The following HCN1 variants were observed in gnomAD, a reference collection of about 807,000 sequenced individuals.
HCN1 encodes the protein potassium/sodium hyperpolarization-activated cyclic nucleotide-gated channel 1.
A neutral mutation model predicts 78.9 loss-of-function variants in HCN1; 13 were observed. That is an observed-to-expected ratio of 0.16 (90% CI 0.11 to 0.26). The LOEUF is 0.26. Ranked by LOEUF, HCN1 falls within the 10% of genes least tolerant of loss-of-function variation. HCN1 has a pLI of 1.00. For missense variants in HCN1, 810 were observed against 1,154.3 expected, an observed-to-expected ratio of 0.70 and a Z score of 4.32; for synonymous variants, 552 against 455.5, an observed-to-expected ratio of 1.21 and a Z score of -2.70.
At chr5:45,574,361 G>C (rs1004489033) in intron 2 of HCN1, among the ~76,000 whole-genome samples, 1 of 152,002 alleles carries the variant, frequency 6.6e-6, no homozygotes, top group Non-Finnish European at 1.5e-5. Context: ...GGTGATCTGT[G>C]ATCAGTGATC....
At chr5:45,693,282 T>TTCAGC (rs1465745949) in intron 1 of HCN1, among the ~76,000 whole-genome samples, 184 of 152,190 alleles carry the variant, frequency 1.2e-3, no homozygotes, top group African/African-American at 4.3e-3. Flanking sequence ...AAGATGTAAA[T>TTCAGC]ATATTCTGAA....
intron 4 of HCN1, among the ~76,000 whole-genome samples, chr5:45,383,972 C>A (rs1332792262): frequency 6.6e-6 from 1 of 152,052 alleles, no homozygotes; most frequent in African/African-American, 2.4e-5. Context: ...TAAGAAGTTG[C>A]TACCAAAACT....
At chr5:45,559,429 A>G (rs1458245872) in intron 2 of HCN1, 1 of 152,222 alleles carries the variant, frequency 6.6e-6, no homozygotes, top group African/African-American at 2.4e-5. Context: ...AACATCTGTG[A>G]TTCATGGGAT....
At chr5:45,323,232 T>A (rs1746159378) in intron 5 of HCN1, among the ~76,000 whole-genome samples, 1 of 151,890 alleles carries the variant, frequency 6.6e-6, no homozygotes, top group South Asian at 2.1e-4. Flanking sequence ...TGTGAAGACT[T>A]GATAAAAAAA....
At chr5:45,553,468 C>T (rs1743411645) in intron 2 of HCN1, among the ~76,000 whole-genome samples, 1 of 151,850 alleles carries the variant, frequency 6.6e-6, no homozygotes, top group African/African-American at 2.4e-5. Flanking sequence ...CTTATAGACT[C>T]AAATTTATCA....
chr5:45,415,684 C>T (rs1001346580), intron 3 of HCN1, among the ~76,000 whole-genome samples: 1 of 152,020 alleles, frequency 6.6e-6, no homozygotes, highest in African/African-American at 2.4e-5. Context: ...ATTCAGCCTT[C>T]CCAGCCTGGT....
intron 6 of HCN1, among the ~76,000 whole-genome samples, chr5:45,280,886 T>C (rs1198258994): frequency 6.6e-6 from 1 of 152,146 alleles, no homozygotes; most frequent in Non-Finnish European, 1.5e-5. Flanking sequence ...ACATTAAAAA[T>C]GCTTTTCAAA....
At position 45,481,744 on chromosome 5, in the gene HCN1, C is replaced by A. The variant is rs561392322; in HGVS notation, c.850-19737G>T. On this transcript the variant is annotated intron_variant, in intron 2 of 7. Transcript: ENST00000303230. ...CATACCACATGCACCTATTCCCTTT[C>A]CCTTTTGTAATCTTTTTCTTTTCCA... Among the ~76,000 whole-genome samples, 144 of 152,098 alleles carry A rather than the reference C, an allele frequency of 9.5e-4. 1 individual carries two copies. Among genetic ancestry groups the A allele is most frequent in the Admixed American group, 1.8e-3 (27 of 15,270 alleles).
At chr5:45,557,206 G>A (rs1743488234) in intron 2 of HCN1, among the ~76,000 whole-genome samples, 1 of 151,650 alleles carries the variant, frequency 6.6e-6, no homozygotes, top group Non-Finnish European at 1.5e-5. Context: ...TTTTTTAATT[G>A]TCTTTGTTCT....
Position 45,511,666 on chromosome 5 carries a change from A to G in HCN1, c.850-49659T>C, listed in dbSNP as rs549800908. 6.2e-4 allele frequency among the ~76,000 whole-genome samples: 95 copies of G among 152,190 alleles called. No individual in the cohort carries two copies. In the South Asian group the frequency reaches 6.8e-3, roughly 11 times the overall value. ...TCAAACTGTCAAGGTCATAAAAATT[A>G]AGGAAAGTCAGAGAAAATGTTAGTT... On this transcript the variant is annotated intron_variant, in intron 2 of 7. Coordinates refer to ENST00000303230, the MANE Select transcript of HCN1 (RefSeq NM_021072.4).
At chr5:45,285,531 C>T (rs1037604932) in intron 6 of HCN1, among the ~76,000 whole-genome samples, 2 of 151,810 alleles carry the variant, frequency 1.3e-5, no homozygotes, top group African/African-American at 2.4e-5. Flanking sequence ...GGGTATTTCG[C>T]TTAAACATTT....
Position 45,262,390 on chromosome 5 carries a change from T to C in HCN1, c.2204A>G (p.Gln735Arg), listed in dbSNP as rs769165114. Residue 735 changes from glutamine to arginine, a missense_variant, in exon 8 of 8, where the codon CAG becomes CGG. By Grantham distance (43) the Gln-to-Arg change is conservative (BLOSUM62 1). Transcript: ENST00000303230. The stretch of plus-strand genomic sequence containing the variant: ...CGGCTGGGACTGCTGTACCTGCTGC[T>C]GCGGCTGCTGTTGCATGAGTGACAG... ...SQLSLMQQQPQQQVQQSQPPQ... is the reference protein window; with the variant it reads ...SQLSLMQQQPRQQVQQSQPPQ... 1 of 1,611,708 alleles carries C rather than the reference T, an allele frequency of 6.2e-7. No individual in the cohort carries two copies. The highest frequency in any genetic ancestry group is 1.1e-5 in the South Asian group (1 of 91,038).
At chr5:45,639,657 C>A (rs752917398) in intron 2 of HCN1, among the ~76,000 whole-genome samples, 2 of 151,996 alleles carry the variant, frequency 1.3e-5, no homozygotes, top group Non-Finnish European at 2.9e-5. Flanking sequence ...TTTCATTAAC[C>A]GATACAAACA....
intron 2 of HCN1, among the ~76,000 whole-genome samples, chr5:45,474,685 T>C (rs890859423): frequency 1.3e-5 from 2 of 151,962 alleles, no homozygotes; most frequent in Non-Finnish European, 2.9e-5. Flanking sequence ...CTCAGTTTTT[T>C]AGCCTACATA....
intron 1 of HCN1, among the ~76,000 whole-genome samples, chr5:45,686,467 T>A (rs1247600957): frequency 6.6e-6 from 1 of 152,154 alleles, no homozygotes; most frequent in Non-Finnish European, 1.5e-5. Context: ...CAAACCACAT[T>A]TACGTTTCTC....
chr5:45,689,561 A>G (rs372429804), intron 1 of HCN1, among the ~76,000 whole-genome samples: 7 of 152,176 alleles, frequency 4.6e-5, no homozygotes, highest in African/African-American at 1.7e-4. Context: ...AAGTGAAAAG[A>G]GTATTTCAAG....
intron 2 of HCN1, among the ~76,000 whole-genome samples, chr5:45,515,873 T>C (rs1742508425): frequency 6.6e-6 from 1 of 151,902 alleles, no homozygotes; most frequent in African/African-American, 2.4e-5. Flanking sequence ...AAATAAAATA[T>C]AAACCCATCA....
At chr5:45,677,688 G>A (rs989417446) in intron 1 of HCN1, among the ~76,000 whole-genome samples, 1 of 151,792 alleles carries the variant, frequency 6.6e-6, no homozygotes, top group African/African-American at 2.4e-5. Context: ...AAAGAGTAAT[G>A]ACAAGCAAGA....
intron 3 of HCN1, among the ~76,000 whole-genome samples, chr5:45,408,839 CGTT>C (rs900949750): frequency 2.0e-5 from 3 of 151,996 alleles, no homozygotes; most frequent in African/African-American, 7.2e-5. Context: ...AAACAAAAAA[CGTT>C]GTATATATTT....
Sources: gnomAD v4.1 joint callset for allele counts (sites outside exome capture counted in the v4.1 genomes callset) on GRCh38, gnomAD v4.1.1 for gene constraint, MANE v1.5 for transcripts, NCBI Gene and HGNC (gene_info 2026-07-23, HGNC 2026-07-21) for gene names.